NALCN: variants seen among roughly 807,000 people sequenced by gnomAD.
NALCN encodes sodium leak channel, non-selective, also known as sodium leak channel NALCN.
A neutral mutation model predicts 225.3 loss-of-function variants in NALCN; 111 were observed. That is an observed-to-expected ratio of 0.49 (90% confidence interval 0.42 to 0.58). The LOEUF (loss-of-function observed/expected upper bound fraction) is 0.58, where lower values mean the gene tolerates loss of function less well. NALCN is among the 20% of genes least tolerant of loss of function. The pLI, the probability that NALCN is intolerant of heterozygous loss-of-function variation, is 0.00. For synonymous variants in NALCN, 764 were observed against 769.0 expected (o/e 0.99, Z 0.11); for missense variants, 1,378 against 2,202.4 (o/e 0.63, Z 7.49).
rs1201968389 is a variant in NALCN, at chr13:101,119,151, A to G, written c.2192+5457T>C. Among the ~76,000 whole-genome samples, 3 of 152,200 alleles carry G rather than the reference A, an allele frequency of 2.0e-5. No homozygotes were observed. In the East Asian group the frequency reaches 5.8e-4, roughly 29 times the overall value. On this transcript the variant is annotated intron_variant, in intron 18 of 43. Transcript: ENST00000251127. ...GGGGCACTTTCTTTCAGGAAAAAAAATCCAGCTAATGTCATTTACATAATT... is the reference window on the plus strand; with the variant it reads ...GGGGCACTTTCTTTCAGGAAAAAAAGTCCAGCTAATGTCATTTACATAATT...
chr13:101,415,228 T>TATATATATATATATATAC (rs137895468), intron 1 of NALCN, among the ~76,000 whole-genome samples: 7 of 129,210 alleles, frequency 5.4e-5, no homozygotes, highest in South Asian at 2.5e-4. Flanking sequence ...TATATATACA[T>TATATATATATATATATAC]ACATATATAT....
chr13:101,392,322 G>T (rs2047170704), intron 3 of NALCN, among the ~76,000 whole-genome samples: 2 of 152,106 alleles, frequency 1.3e-5, no homozygotes, highest in African/African-American at 2.4e-5. Context: ...AAAAATGTAT[G>T]TTGACCCAGT....
intron 30 of NALCN, among the ~76,000 whole-genome samples, chr13:101,086,968 T>A (rs1374844871): frequency 6.6e-6 from 1 of 152,140 alleles, no homozygotes; most frequent in Non-Finnish European, 1.5e-5. Context: ...AATTACTTTG[T>A]TATACATAAA....
intron 13 of NALCN, among the ~76,000 whole-genome samples, chr13:101,224,033 A>C (rs1044938070): frequency 2.0e-5 from 3 of 152,086 alleles, no homozygotes; most frequent in African/African-American, 7.2e-5. Flanking sequence ...GATCATCCTT[A>C]CTACACCCAT....
chr13:101,378,683 G>A, intron 3 of NALCN, 30 bp from the exon 4 acceptor site: 2 of 1,548,190 alleles, frequency 1.3e-6, no homozygotes, highest in African/African-American at 1.4e-5. Flanking sequence ...GGCATTATTA[G>A]GCAAAGCAAA....
At chr13:101,157,026 A>G (rs779110573) in intron 15 of NALCN, among the ~76,000 whole-genome samples, 3 of 152,364 alleles carry the variant, frequency 2.0e-5, no homozygotes, top group Middle Eastern at 3.4e-3. Context: ...TATTAAAAAC[A>G]AGTGGAAATA....
intron 37 of NALCN, among the ~76,000 whole-genome samples, chr13:101,072,328 T>C (rs754954886): frequency 2.0e-5 from 3 of 152,226 alleles, no homozygotes; most frequent in Non-Finnish European, 4.4e-5. Flanking sequence ...AAGATGTGCC[T>C]GCACATAGAA....
rs145357798 is a variant in NALCN, at chr13:101,162,341, C to G, written c.1839+13959G>C. 7.2e-4 allele frequency among the ~76,000 whole-genome samples: 110 copies of G among 152,228 alleles called. 1 individual carries two copies. Among genetic ancestry groups the G allele is most frequent in the African/African-American group, 2.4e-3 (101 of 41,536 alleles). ...TAGCGTTGTACACATGGTAGGGACTCAAATATTTGAAGAATGGATGATAAA... is the reference window on the plus strand; with the variant it reads ...TAGCGTTGTACACATGGTAGGGACTGAAATATTTGAAGAATGGATGATAAA... On this transcript the variant is annotated intron_variant, in intron 15 of 43. Coordinates refer to ENST00000251127, the MANE Select transcript of NALCN (RefSeq NM_052867.4).
intron 10 of NALCN, among the ~76,000 whole-genome samples, chr13:101,259,200 A>C (rs888777388): frequency 6.6e-6 from 1 of 152,136 alleles, no homozygotes; most frequent in African/African-American, 2.4e-5. Flanking sequence ...AGGCTCAAAG[A>C]GGTTAAGTAA....
At chr13:101,173,051 A>C (rs1213335313) in intron 15 of NALCN, among the ~76,000 whole-genome samples, 4 of 152,236 alleles carry the variant, frequency 2.6e-5, no homozygotes, top group African/African-American at 9.6e-5. Context: ...CACTCCAAGA[A>C]GATCATTGCA....
At chr13:101,319,031 T>C (rs1333488082) in intron 7 of NALCN, among the ~76,000 whole-genome samples, 3 of 152,116 alleles carry the variant, frequency 2.0e-5, no homozygotes, top group African/African-American at 7.2e-5. Flanking sequence ...CTAGAAATAA[T>C]AAACTGGGTA....
chr13:101,061,383 A>T (rs984433328), intron 41 of NALCN, among the ~76,000 whole-genome samples: 5 of 105,476 alleles, frequency 4.7e-5, no homozygotes, highest in African/African-American at 2.0e-4. Flanking sequence ...TAATATCAAT[A>T]AACTTTTTTT....
intron 14 of NALCN, among the ~76,000 whole-genome samples, chr13:101,182,227 G>A (rs2039267575): frequency 6.7e-6 from 1 of 149,570 alleles, no homozygotes; most frequent in Non-Finnish European, 1.5e-5. Flanking sequence ...GATAAACAGA[G>A]AAAAGCCACC....
At chr13:101,087,524 CT>C (rs149183480) in intron 30 of NALCN, among the ~76,000 whole-genome samples, 2,115 of 151,460 alleles carry the variant, frequency 0.014, 51 homozygotes, top group African/African-American at 0.049. Context: ...TTCTAAAAGG[CT>C]CACATAATTT....
At chr13:101,287,656 A>T (rs977354979) in intron 9 of NALCN, among the ~76,000 whole-genome samples, 1 of 152,222 alleles carries the variant, frequency 6.6e-6, no homozygotes, top group East Asian at 1.9e-4. Flanking sequence ...TCTCACCAAT[A>T]ACACAAATGA....
At chr13:101,345,740 A>ATG (rs1355398418) in intron 6 of NALCN, among the ~76,000 whole-genome samples, 7 of 27,430 alleles carry the variant, frequency 2.6e-4, no homozygotes, top group Admixed American at 2.2e-3. Flanking sequence ...CAAAGAGAAT[A>ATG]TATATATATA....
chr13:101,055,750 A>T (rs2031156321), intron 43 of NALCN, among the ~76,000 whole-genome samples: 1 of 152,184 alleles, frequency 6.6e-6, no homozygotes, highest in East Asian at 1.9e-4. Flanking sequence ...AATTAAAAAA[A>T]CTAGAAAATC....
chr13:101,213,031 A>T (rs1165328197), intron 13 of NALCN, among the ~76,000 whole-genome samples: 2 of 152,190 alleles, frequency 1.3e-5, no homozygotes, highest in African/African-American at 2.4e-5. Context: ...GCATCACGCT[A>T]CCTGACTTCA....
chr13:101,214,752 C>T (rs1258841970), intron 13 of NALCN, among the ~76,000 whole-genome samples: 1 of 151,994 alleles, frequency 6.6e-6, no homozygotes, highest in South Asian at 2.1e-4. Context: ...AAGTCATGAA[C>T]CTTTGAAAGG....
Sources: allele counts gnomAD v4.1 joint callset (sites outside exome capture counted in the v4.1 genomes callset), GRCh38; gene constraint gnomAD v4.1.1; transcripts MANE v1.5; gene names NCBI Gene and HGNC (gene_info 2026-07-23, HGNC 2026-07-21).